The following MBOAT2 variants were observed in gnomAD, a reference collection of about 807,000 sequenced individuals.
MBOAT2 encodes the protein membrane-bound glycerophospholipid O-acyltransferase 2.
MBOAT2 carries 28 observed loss-of-function variants against 63.4 expected under a neutral mutation model. The ratio of observed to expected loss-of-function variants is 0.44; its 90% CI spans 0.33 to 0.61. The LOEUF is 0.61. Among genes scored for constraint, MBOAT2 ranks in the 20% least tolerant of loss-of-function variants. MBOAT2 has a pLI of 0.03. For missense variants in MBOAT2, 470 were observed against 605.8 expected (o/e 0.78, Z 2.35); for synonymous variants, 211 against 215.6 (o/e 0.98, Z 0.19).
At chr2:8,977,926 G>A (rs955523716) in intron 1 of MBOAT2, among the ~76,000 whole-genome samples, 1 of 151,980 alleles carries the variant, frequency 6.6e-6, no homozygotes, top group African/African-American at 2.4e-5. Flanking sequence ...TATCTTCAAA[G>A]CACATCACAA....
intron 3 of MBOAT2, among the ~76,000 whole-genome samples, chr2:8,924,378 A>G (rs1205309518): frequency 6.6e-6 from 1 of 152,124 alleles, no homozygotes; most frequent in Admixed American, 6.5e-5. Context: ...ACCTGCACAG[A>G]ATCTTATGAT....
intron 4 of MBOAT2, among the ~76,000 whole-genome samples, chr2:8,903,950 T>TGGGG (rs1263807085): frequency 1.3e-5 from 2 of 152,110 alleles, no homozygotes; most frequent in Admixed American, 6.6e-5. Flanking sequence ...CAGATTAACT[T>TGGGG]GGGGGAATCA....
chr2:8,967,356 AAT>A (rs1431018284), intron 1 of MBOAT2, among the ~76,000 whole-genome samples: 1 of 152,230 alleles, frequency 6.6e-6, no homozygotes, highest in Non-Finnish European at 1.5e-5. Context: ...TACTGTAATA[AAT>A]AGACACAAAA....
chr2:9,002,969 C>G (rs1573303381), intron 1 of MBOAT2, among the ~76,000 whole-genome samples: 1 of 152,312 alleles, frequency 6.6e-6, no homozygotes, highest in East Asian at 1.9e-4. Flanking sequence ...AAGCCACAAT[C>G]CAACGCAAAC....
At chr2:8,861,362 G>T (rs1550253) in intron 11 of MBOAT2, among the ~76,000 whole-genome samples, 20,706 of 152,188 alleles carry the variant, frequency 0.14, 1,994 homozygotes, top group African/African-American at 0.27. Context: ...GAGGAGGGCA[G>T]TGGTAGAACT....
chr2:8,940,143 A>G (rs1573111014), intron 3 of MBOAT2, among the ~76,000 whole-genome samples: 1 of 152,178 alleles, frequency 6.6e-6, no homozygotes, highest in Non-Finnish European at 1.5e-5. Context: ...GCACACAATC[A>G]GCCCCCTCTT....
intron 1 of MBOAT2, among the ~76,000 whole-genome samples, chr2:9,000,358 C>T (rs9678200): frequency 0.21 from 32,153 of 152,106 alleles, 5,414 homozygotes; most frequent in African/African-American, 0.47. Flanking sequence ...TTTTGCTCAA[C>T]TTTAAAATAA....
At chr2:8,961,084 AT>A (rs1669573369) in intron 1 of MBOAT2, among the ~76,000 whole-genome samples, 1 of 152,220 alleles carries the variant, frequency 6.6e-6, no homozygotes, top group African/African-American at 2.4e-5. Context: ...AAGTGATGAG[AT>A]TGACCCTCCA....
chr2:8,893,411 G>T (rs535867988), intron 4 of MBOAT2, among the ~76,000 whole-genome samples: 174 of 152,280 alleles, frequency 1.1e-3, no homozygotes, highest in African/African-American at 4.0e-3. Context: ...CCCCACATCA[G>T]CTGTGGAAAA....
chr2:8,929,316 CATTTT>C (rs1295070790), intron 3 of MBOAT2, among the ~76,000 whole-genome samples: 4 of 151,214 alleles, frequency 2.6e-5, no homozygotes, highest in Admixed American at 6.6e-5. Flanking sequence ...ATGGCTCTTA[CATTTT>C]ATTTATTTGT....
intron 3 of MBOAT2, among the ~76,000 whole-genome samples, chr2:8,921,581 T>C (rs1297889323): frequency 6.6e-6 from 1 of 152,240 alleles, no homozygotes; most frequent in African/African-American, 2.4e-5. Flanking sequence ...CTTAAGGACT[T>C]CCTTTGGAAT....
intron 9 of MBOAT2, among the ~76,000 whole-genome samples, chr2:8,867,314 G>A (rs1661971612): frequency 6.6e-6 from 1 of 152,156 alleles, no homozygotes; most frequent in Non-Finnish European, 1.5e-5. Context: ...ACAGAGCCCT[G>A]TTGGTTTTCT....
intron 3 of MBOAT2, among the ~76,000 whole-genome samples, chr2:8,920,327 T>C (rs1226992478): frequency 1.3e-5 from 2 of 152,224 alleles, no homozygotes; most frequent in African/African-American, 4.8e-5. Flanking sequence ...CTTGGCACTT[T>C]TGTCAAAAAT....
intron 8 of MBOAT2, among the ~76,000 whole-genome samples, chr2:8,872,636 C>T (rs1233514001): frequency 6.6e-6 from 1 of 152,164 alleles, no homozygotes; most frequent in African/African-American, 2.4e-5. Flanking sequence ...ATTTGTTCTA[C>T]CTGCCAAGCA....
Position 8,978,621 on chromosome 2 carries a change from C to A in MBOAT2, c.76-19979G>T, listed in dbSNP as rs866146882. Among the ~76,000 whole-genome samples, 4 of 152,038 alleles carry A rather than the reference C, an allele frequency of 2.6e-5. No individual in the cohort carries two copies. In the East Asian group the frequency reaches 5.8e-4, roughly 22 times the overall value. On this transcript the variant is annotated intron_variant, in intron 1 of 12. Coordinates refer to ENST00000305997, the MANE Select transcript of MBOAT2 (RefSeq NM_138799.4). ...CCACCTGAGTTGAGTAATGAGAACACATAGACACAGGGAGGGGAAAAACAC... is the reference window on the plus strand; with the variant it reads ...CCACCTGAGTTGAGTAATGAGAACAAATAGACACAGGGAGGGGAAAAACAC...
chr2:8,982,959 GAAT>G (rs746262115), intron 1 of MBOAT2, among the ~76,000 whole-genome samples: 4 of 152,084 alleles, frequency 2.6e-5, no homozygotes, highest in African/African-American at 7.2e-5. Context: ...ACACTGTTTT[GAAT>G]AATAAGTCAT....
At chr2:8,915,808 A>G (rs983269321) in intron 3 of MBOAT2, among the ~76,000 whole-genome samples, 21 of 152,224 alleles carry the variant, frequency 1.4e-4, no homozygotes. Flanking sequence ...CTGGATTTAA[A>G]TAACAGTCCC....
chr2:8,959,761 C>G, intron 1 of MBOAT2, among the ~76,000 whole-genome samples: 1 of 152,124 alleles, frequency 6.6e-6, no homozygotes, highest in East Asian at 1.9e-4. Context: ...TCACACCTGG[C>G]CAAAATCTCC....
intron 3 of MBOAT2, among the ~76,000 whole-genome samples, chr2:8,939,033 G>A (rs1558636816): frequency 6.6e-6 from 1 of 152,198 alleles, no homozygotes; most frequent in Non-Finnish European, 1.5e-5. Flanking sequence ...TGAACTCCTT[G>A]GAGGAGAAGC....
Sources: gnomAD v4.1 joint callset for allele counts (sites outside exome capture counted in the v4.1 genomes callset) on GRCh38, gnomAD v4.1.1 for gene constraint, MANE v1.5 for transcripts, NCBI Gene and HGNC (gene_info 2026-07-23, HGNC 2026-07-21) for gene names.